ATP6V1G3: variants seen among roughly 807,000 people sequenced by gnomAD.
ATP6V1G3 encodes the protein ATPase H+ transporting V1 subunit G3, also known as V-type proton ATPase subunit G 3.
In ATP6V1G3, 9 loss-of-function variants were observed where a neutral mutation model predicts 9.3. That is an observed-to-expected ratio of 0.97 (90% CI 0.59 to 1.69). ATP6V1G3 has a LOEUF of 1.69. Among genes scored for constraint, ATP6V1G3 ranks in the 40% most tolerant of loss-of-function variants. The probability of loss-of-function intolerance (pLI) is 0.00; values close to 1 mark genes in which losing one functional copy is unlikely to be tolerated. For synonymous variants in ATP6V1G3, 43 were observed against 43.8 expected (o/e 0.98, Z 0.07); for missense variants, 133 against 139.0 (o/e 0.96, Z 0.22).
In ATP6V1G3 at chr1:198,523,358, A is replaced by G. The variant is rs1314758853; in HGVS notation, c.*33T>C. 5 of 1,593,252 alleles carry G rather than the reference A, an allele frequency of 3.1e-6. No individual in the cohort carries two copies. The highest frequency in any genetic ancestry group is 4.3e-6 in the Non-Finnish European group (5 of 1,169,618). ...ATAAGCAACCAGGTGGCACTCACAC[A>G]CCTTTTTTTTTCTTGAAAACTGTGA... On this transcript the variant is annotated 3_prime_UTR_variant, in exon 3 of 3. Coordinates refer to ENST00000367382, the MANE Select transcript of ATP6V1G3 (RefSeq NM_001376861.1).
intron 1 of ATP6V1G3, among the ~76,000 whole-genome samples, chr1:198,539,632 G>T (rs1374206842): frequency 6.6e-6 from 1 of 152,126 alleles, no homozygotes; most frequent in Non-Finnish European, 1.5e-5. Flanking sequence ...TCTAAATCTT[G>T]TCTCTACCAT....
At position 198,526,008 on chromosome 1, in the gene ATP6V1G3, A is replaced by G. The variant is rs982603822; in HGVS notation, c.184-2444T>C. On this transcript the variant is annotated intron_variant, in intron 2 of 2. Transcript: ENST00000367382. ...CTTGTACTTTTCAAATTTTTCCAAT[A>G]TGTTCTGTATTTTCAGAAACATTGT... 5.1e-4 allele frequency among the ~76,000 whole-genome samples: 78 copies of G among 152,130 alleles called. 2 individuals carry two copies. Among genetic ancestry groups the G allele is most frequent in the Non-Finnish European group, 8.8e-5 (6 of 68,016 alleles).
intron 2 of ATP6V1G3, among the ~76,000 whole-genome samples, chr1:198,527,387 G>A (rs1176838564): frequency 6.6e-6 from 1 of 152,100 alleles, no homozygotes; most frequent in Non-Finnish European, 1.5e-5. Context: ...ATTAACCAAA[G>A]CAGAAAACAA....
chr1:198,540,559 T>G lies in ATP6V1G3; in HGVS notation c.82+10A>C. 6.2e-6 allele frequency: 10 copies of G among 1,612,226 alleles called. No homozygotes were observed. The highest frequency in any genetic ancestry group is 7.6e-6 in the Non-Finnish European group (9 of 1,178,296). On this transcript the variant is annotated intron_variant, in intron 1 of 2. Transcript: ENST00000367382. ...TATTTCGTGACAGACCCCTCACAGG[T>G]GAGACTTACTCTTCTTGGCTTCCTC...
Position 198,536,206 on chromosome 1 carries a change from A to G in ATP6V1G3, c.82+4363T>C, listed in dbSNP as rs1366556282. Among the ~76,000 whole-genome samples the G allele has an allele frequency of 2.0e-5, 3 of 152,188 alleles. No individual in the cohort carries two copies. In the East Asian group the frequency reaches 5.8e-4, roughly 29 times the overall value. On this transcript the variant is annotated intron_variant, in intron 1 of 2. Transcript: ENST00000367382. ...GCATGCATTTGAGTATTTCAGAACAATGTTAATGCAGAGCTATAGGGTTTT... is the reference window on the plus strand; with the variant it reads ...GCATGCATTTGAGTATTTCAGAACAGTGTTAATGCAGAGCTATAGGGTTTT...
chr1:198,536,543 T>C (rs1660119972), intron 1 of ATP6V1G3: 1 of 624,264 alleles, frequency 1.6e-6, no homozygotes, highest in Non-Finnish European at 2.8e-6. Flanking sequence ...TAGTGCAAAC[T>C]ACTGTGATTT....
chr1:198,523,792 C>A (rs894518181), intron 2 of ATP6V1G3, among the ~76,000 whole-genome samples: 2 of 152,186 alleles, frequency 1.3e-5, no homozygotes, highest in African/African-American at 4.8e-5. Context: ...TAACCAACCT[C>A]CACATGGTAC....
chr1:198,527,724 A>T (rs1266388437), intron 2 of ATP6V1G3, among the ~76,000 whole-genome samples: 1 of 152,200 alleles, frequency 6.6e-6, no homozygotes. Flanking sequence ...AGGAAAACAG[A>T]GAACAAAACA....
Position 198,523,282 on chromosome 1 carries a change from T to C in ATP6V1G3, c.*109A>G, listed in dbSNP as rs1659513959. 2.8e-6 allele frequency: 3 copies of C among 1,085,496 alleles called. No homozygotes were observed. Among genetic ancestry groups the C allele is most frequent in the East Asian group, 2.6e-5 (1 of 38,684 alleles). The allele number at this position is 1,085,496 out of a possible 1,614,324, so 67.2% of individuals were successfully genotyped here. ...TGAGTTATGTCACATTTCCTGTAAA[T>C]GTAAATTTAAGGTTCTCATTTCAAA... On this transcript the variant is annotated 3_prime_UTR_variant, in exon 3 of 3. Transcript: ENST00000367382.
chr1:198,523,662 C>T, intron 2 of ATP6V1G3, 98 bp from the exon 3 acceptor site: 1 of 1,074,346 alleles, frequency 9.3e-7, no homozygotes, highest in Non-Finnish European at 1.3e-6. Context: ...CTACAATGCA[C>T]AATTATGTAC....
At chr1:198,529,281 C>T (rs1200107122) in intron 1 of ATP6V1G3, 100 bp from the exon 2 acceptor site, 2 of 269,794 alleles carry the variant, frequency 7.4e-6, no homozygotes, top group African/African-American at 2.3e-5. Context: ...ATATTAACAA[C>T]TGTACATATA....
rs1659514064 is a variant in ATP6V1G3, at chr1:198,523,286, A to T, written c.*105T>A. 8.8e-7 allele frequency: 1 copy of T among 1,138,072 alleles called. No homozygotes were observed. Among genetic ancestry groups the T allele is most frequent in the East Asian group, 2.6e-5 (1 of 38,960 alleles). 70.5% of individuals were successfully genotyped at this position (1,138,072 alleles called of 1,614,324 possible). A position where few individuals can be genotyped will look rare whatever the true frequency, so the allele number is the denominator to read the frequency against. On this transcript the variant is annotated 3_prime_UTR_variant, in exon 3 of 3. Coordinates refer to ENST00000367382, the MANE Select transcript of ATP6V1G3 (RefSeq NM_001376861.1). ...TTATGTCACATTTCCTGTAAATGTA[A>T]ATTTAAGGTTCTCATTTCAAATTTC...
chr1:198,531,766 A>G (rs1219139665), intron 1 of ATP6V1G3, among the ~76,000 whole-genome samples: 1 of 152,166 alleles, frequency 6.6e-6, no homozygotes, highest in Non-Finnish European at 1.5e-5. Context: ...TGGCAATAAA[A>G]CATTAGAAGC....
chr1:198,540,000 CTT>C (rs1660281145), intron 1 of ATP6V1G3, among the ~76,000 whole-genome samples: 1 of 152,070 alleles, frequency 6.6e-6, no homozygotes, highest in Non-Finnish European at 1.5e-5. Context: ...AGCAGGATCT[CTT>C]GAGTCCAGGA....
chr1:198,536,632 T>C (rs572539646), intron 1 of ATP6V1G3: 5 of 1,482,804 alleles, frequency 3.4e-6, no homozygotes, highest in Middle Eastern at 1.7e-4. Context: ...ATATAACCTG[T>C]AATCAGTGAA....
At chr1:198,530,389 T>A (rs986316958) in intron 1 of ATP6V1G3, among the ~76,000 whole-genome samples, 4 of 152,202 alleles carry the variant, frequency 2.6e-5, no homozygotes, top group African/African-American at 9.6e-5. Context: ...AGATTGTTTC[T>A]CAATTTCTTT....
chr1:198,529,166 A>C lies in ATP6V1G3; in HGVS notation c.98T>G (p.Leu33Trp). 7.2e-7 allele frequency: 1 copy of C among 1,386,496 alleles called. No individual in the cohort carries two copies. Among genetic ancestry groups the C allele is most frequent in the Non-Finnish European group, 9.5e-7 (1 of 1,057,954 alleles). The allele number at this position is 1,386,496 out of a possible 1,614,324, so 85.9% of individuals were successfully genotyped here. Residue 33 changes from leucine to tryptophan, a missense_variant, in exon 2 of 3, where the codon TTG becomes TGG. Leu to Trp is a moderately conservative substitution (Grantham distance 61). Coordinates refer to ENST00000367382, the MANE Select transcript of ATP6V1G3 (RefSeq NM_001376861.1). The part of the protein sequence containing the change: ...EEAKKRKGKR[L>W]KQAKEEAMVE... ...CATTGCTTCCTCCTTGGCTTGCTTC[A>C]ATCGCTTTCCTTTTCCTGAAAATTA...
chr1:198,528,039 A>G (rs181615394), intron 2 of ATP6V1G3, among the ~76,000 whole-genome samples: 19 of 152,274 alleles, frequency 1.2e-4, no homozygotes, highest in African/African-American at 4.1e-4. Context: ...AAAGACCAAT[A>G]TGGCTAGAAC....
intron 1 of ATP6V1G3, 99 bp downstream of exon 1, chr1:198,540,470 A>G: frequency 7.8e-7 from 1 of 1,287,628 alleles, no homozygotes; most frequent in South Asian, 1.2e-5. Context: ...AGTAAACCAA[A>G]GTTTGAAACA....
Sources: allele counts gnomAD v4.1 joint callset (sites outside exome capture counted in the v4.1 genomes callset), GRCh38; gene constraint gnomAD v4.1.1; transcripts MANE v1.5; gene names NCBI Gene and HGNC (gene_info 2026-07-23, HGNC 2026-07-21).